DPP4: variants seen among roughly 807,000 people sequenced by gnomAD.
The protein encoded by DPP4 is ADCP-2.
DPP4 carries 93 observed loss-of-function variants against 122.4 expected under a neutral mutation model. The ratio of observed to expected loss-of-function variants is 0.76; its 90% CI spans 0.64 to 0.90. The LOEUF (loss-of-function observed/expected upper bound fraction) is 0.90, where lower values mean the gene tolerates loss of function less well. DPP4 is among the 40% of genes least tolerant of loss of function. The pLI, the probability that DPP4 is intolerant of heterozygous loss-of-function variation, is 0.00. For synonymous variants in DPP4, 321 were observed against 302.9 expected (o/e 1.06, Z -0.62); for missense variants, 914 against 907.3 (o/e 1.01, Z -0.09).
chr2:162,040,024 A>AT (rs956168395), intron 5 of DPP4, among the ~76,000 whole-genome samples: 4 of 152,024 alleles, frequency 2.6e-5, no homozygotes, highest in Admixed American at 1.3e-4. Context: ...TATTATAAAC[A>AT]TTTTTTTGCC....
At chr2:162,045,651 C>A in intron 4 of DPP4, 39 bp from the exon 5 acceptor site, 7 of 1,425,392 alleles carry the variant, frequency 4.9e-6, no homozygotes, top group Non-Finnish European at 6.9e-6. Context: ...TGAACAATTC[C>A]ATTTCATTGC....
chr2:162,040,469 T>A (rs1683945023), intron 5 of DPP4, among the ~76,000 whole-genome samples: 1 of 152,102 alleles, frequency 6.6e-6, no homozygotes, highest in South Asian at 2.1e-4. Flanking sequence ...TAAGGTTACA[T>A]ATTGTATGAT....
chr2:162,017,050 T>G (rs1682950607), intron 17 of DPP4, 58 bp downstream of exon 17: 2 of 1,552,006 alleles, frequency 1.3e-6, no homozygotes, highest in African/African-American at 1.4e-5. Flanking sequence ...AAGTACATGT[T>G]AGACTTATGC....
intron 10 of DPP4, among the ~76,000 whole-genome samples, chr2:162,033,010 G>C (rs924848740): frequency 3.9e-5 from 6 of 152,044 alleles, no homozygotes; most frequent in African/African-American, 1.4e-4. Flanking sequence ...CAGTCAAAAG[G>C]CTCCAGTCAC....
intron 18 of DPP4, among the ~76,000 whole-genome samples, chr2:162,015,437 A>G (rs1433450317): frequency 6.6e-6 from 1 of 152,234 alleles, no homozygotes; most frequent in Non-Finnish European, 1.5e-5. Flanking sequence ...TAATTTCAAT[A>G]GAACACCAAA....
At chr2:162,061,919 T>A (rs529423680) in intron 2 of DPP4, among the ~76,000 whole-genome samples, 2 of 152,152 alleles carry the variant, frequency 1.3e-5, no homozygotes, top group Non-Finnish European at 2.9e-5. Context: ...GCCTTCACAA[T>A]GGAAAGCCAA....
intron 1 of DPP4, chr2:162,073,726 G>T (rs928799536): frequency 1.5e-6 from 1 of 676,898 alleles, no homozygotes; most frequent in Non-Finnish European, 2.5e-6. Flanking sequence ...CCCCTGCCCG[G>T]GTTCGGGCGT....
At chr2:162,010,875 G>T (rs954258429) in intron 20 of DPP4, among the ~76,000 whole-genome samples, 2 of 151,970 alleles carry the variant, frequency 1.3e-5, no homozygotes, top group African/African-American at 2.4e-5. Context: ...CCTAGTCTAT[G>T]ATTTCATAAC....
chr2:162,051,469 G>T (rs536408391), intron 2 of DPP4, among the ~76,000 whole-genome samples: 2 of 152,280 alleles, frequency 1.3e-5, no homozygotes, highest in East Asian at 3.9e-4. Flanking sequence ...TAAATAAATG[G>T]CTAATGAAAT....
intron 2 of DPP4, among the ~76,000 whole-genome samples, chr2:162,057,019 C>T (rs1684602751): frequency 6.6e-6 from 1 of 152,116 alleles, no homozygotes; most frequent in South Asian, 2.1e-4. Flanking sequence ...TGCATAAAGA[C>T]CATTTTGGAC....
Position 162,016,826 on chromosome 2 carries a change from C to T in DPP4, c.1509G>A (p.Met503Ile), listed in dbSNP as rs1682943224. ...VLEDNSALDK[M>I]LQNVQMPSKK... Reference sequence around the variant, plus strand: ...TGGAGGGCATCTGGACATTCTGCAGCATTTTATCCAAAGCTGAATTGTCTT... The same window carrying T: ...TGGAGGGCATCTGGACATTCTGCAGTATTTTATCCAAAGCTGAATTGTCTT... Residue 503 changes from methionine to isoleucine, a missense_variant, in exon 18 of 26, where the codon ATG becomes ATA. Physicochemically the swap from Met to Ile is conservative, Grantham distance 10. Coordinates refer to ENST00000360534, the MANE Select transcript of DPP4 (RefSeq NM_001935.4). 6.2e-7 allele frequency: 1 copy of T among 1,613,064 alleles called. No individual in the cohort carries two copies. The highest frequency in any genetic ancestry group is 1.3e-5 in the African/African-American group (1 of 74,888).
At chr2:162,041,468 G>A (rs1347387070) in intron 5 of DPP4, among the ~76,000 whole-genome samples, 1 of 152,126 alleles carries the variant, frequency 6.6e-6, no homozygotes, top group East Asian at 1.9e-4. Flanking sequence ...TAATAGCAGA[G>A]CTGAGATACA....
At chr2:162,043,960 T>A (rs1230042249) in intron 5 of DPP4, among the ~76,000 whole-genome samples, 1 of 152,020 alleles carries the variant, frequency 6.6e-6, no homozygotes, top group Non-Finnish European at 1.5e-5. Context: ...CCCAAAATGT[T>A]GAGGCTGCAG....
chr2:162,062,915 G>C (rs1684828425), intron 2 of DPP4, among the ~76,000 whole-genome samples: 1 of 151,916 alleles, frequency 6.6e-6, no homozygotes. Flanking sequence ...GGGTTCTTGG[G>C]GGTCACCTTA....
rs945592558 is a variant in DPP4 at position 161,992,904 on chromosome 2, C to A, written c.*379G>T. ...CCTGCCCTAGTGACATCACTGCCCA[C>A]ATCTTGCCATCCCTTTAAAGAAGAG... is the stretch of plus-strand genomic sequence containing the variant. On this transcript the variant is annotated 3_prime_UTR_variant, in exon 26 of 26. Transcript: ENST00000360534. 3 of 212,634 alleles carry A rather than the reference C, an allele frequency of 1.4e-5. No homozygotes were observed. In the Admixed American group the frequency reaches 1.6e-4, roughly 11 times the overall value. The allele number at this position is 212,634 out of a possible 1,614,324, so 13.2% of individuals were successfully genotyped here.
At position 162,038,304 on chromosome 2, in the gene DPP4, T is replaced by A. The variant is rs760386065; in HGVS notation, c.611A>T (p.Glu204Val). The A allele has an allele frequency of 1.3e-6, 2 of 1,564,326 alleles. No homozygotes were observed. Reference sequence around the variant, plus strand: ...TGAAAAAGCTTTAAAGTTTCTACCTTCATAAACCCAGTCAGTTATTCCATT... The same window carrying A: ...TGAAAAAGCTTTAAAGTTTCTACCTACATAAACCCAGTCAGTTATTCCATT... The part of the protein sequence containing the change: ...IYNGITDWVY[E>V]EEVFSAYSAL... The change falls in exon 8 of 26, where the codon GAA becomes GTA. Residue 204 changes from glutamate (E) to valine (V), a missense_variant and splice_region_variant. Physicochemically the swap from Glu to Val is moderately radical, Grantham distance 121. Coordinates refer to ENST00000360534, the MANE Select transcript of DPP4 (RefSeq NM_001935.4).
At position 162,033,603 on chromosome 2, in the gene DPP4, A is replaced by C. The variant is rs774467673; in HGVS notation, c.825T>G (p.Ser275=). 2.5e-6 allele frequency: 4 copies of C among 1,613,472 alleles called. No homozygotes were observed. The South Asian group carries it at 3.3e-5, about 13-fold the overall frequency. The part of the protein sequence containing the change: ...TVKFFVVNTD[S]LSSVTNATSI... ...AAGTTGCATTGGTGACTGAGCTGAG[A>C]GAGTCTGTATTTACAACAAAGAACT... is the stretch of plus-strand genomic sequence containing the variant. The change falls in exon 10 of 26, where the codon TCT becomes TCG. Residue 275 remains serine, a synonymous_variant. Transcript: ENST00000360534.
At chr2:162,018,448 A>T (rs1682998460) in intron 16 of DPP4, among the ~76,000 whole-genome samples, 1 of 152,234 alleles carries the variant, frequency 6.6e-6, no homozygotes, top group South Asian at 2.1e-4. Context: ...ATAATCATTT[A>T]AAACCCCACA....
chr2:162,025,224 T>C (rs1683282672), intron 10 of DPP4, among the ~76,000 whole-genome samples: 1 of 152,176 alleles, frequency 6.6e-6, no homozygotes, highest in Non-Finnish European at 1.5e-5. Context: ...TCAGGATTTA[T>C]CAAGTCTTCA....
Sources: gnomAD v4.1 joint callset for allele counts (sites outside exome capture counted in the v4.1 genomes callset) on GRCh38, gnomAD v4.1.1 for gene constraint, MANE v1.5 for transcripts, NCBI Gene and HGNC (gene_info 2026-07-23, HGNC 2026-07-21) for gene names.